Variants in PCDHA7 observed in about 807,000 individuals in gnomAD.
PCDHA7 encodes the protein protocadherin alpha-7.
Under a neutral mutation model 57.2 loss-of-function variants are expected in PCDHA7, and 37 were observed. That is an observed-to-expected ratio of 0.65 (90% CI 0.50 to 0.85). PCDHA7 has a LOEUF of 0.85. PCDHA7 is among the 40% of genes least tolerant of loss of function. The probability of loss-of-function intolerance (pLI) is 0.00; values close to 1 mark genes in which losing one functional copy is unlikely to be tolerated. For synonymous variants in PCDHA7, 553 were observed against 558.8 expected (o/e 0.99, Z 0.15); for missense variants, 1,188 against 1,241.8 (o/e 0.96, Z 0.65).
intron 1 of PCDHA7, among the ~76,000 whole-genome samples, chr5:140,922,408 T>C (rs2080827805): frequency 6.6e-6 from 1 of 152,196 alleles, no homozygotes; most frequent in Non-Finnish European, 1.5e-5. Context: ...ATTAAAAAGA[T>C]CTAGGTACAG....
At chr5:140,978,672 G>C (rs2096816199) in intron 1 of PCDHA7, among the ~76,000 whole-genome samples, 1 of 152,256 alleles carries the variant, frequency 6.6e-6, no homozygotes, top group African/African-American at 2.4e-5. Context: ...TAAGAACACA[G>C]ACATGTATTG....
chr5:140,887,781 T>C (rs2061576427), intron 1 of PCDHA7, among the ~76,000 whole-genome samples: 2 of 152,338 alleles, frequency 1.3e-5, no homozygotes, highest in African/African-American at 4.8e-5. Flanking sequence ...ACACAGGTCA[T>C]TGAAGCGTTC....
intron 1 of PCDHA7, chr5:140,863,119 A>G: frequency 1.7e-6 from 1 of 591,284 alleles, no homozygotes. Context: ...GGCGAAAGCT[A>G]CGCGCCACCG....
intron 1 of PCDHA7, chr5:140,848,337 C>A (rs1402833811): frequency 1.3e-5 from 11 of 873,306 alleles, no homozygotes; most frequent in South Asian, 1.7e-5. Context: ...TGAATCCAGA[C>A]AAATACAGCC....
At chr5:140,851,449 A>G in intron 1 of PCDHA7, 2 of 913,694 alleles carry the variant, frequency 2.2e-6, no homozygotes, top group Middle Eastern at 5.7e-4. Flanking sequence ...GCTCCACTTT[A>G]GGAATCAAAT....
At chr5:140,869,857 A>T in intron 1 of PCDHA7, 1 of 1,610,928 alleles carries the variant, frequency 6.2e-7, no homozygotes, top group Non-Finnish European at 8.5e-7. Flanking sequence ...GGTGAGCCTT[A>T]TGGAAAATGC....
At chr5:140,917,530 T>C (rs2078244431) in intron 1 of PCDHA7, among the ~76,000 whole-genome samples, 1 of 152,262 alleles carries the variant, frequency 6.6e-6, no homozygotes, top group Admixed American at 6.5e-5. Flanking sequence ...ACGGTTTGTA[T>C]AGTTTTAGGT....
intron 1 of PCDHA7, chr5:140,967,461 G>A (rs782466677): frequency 6.8e-6 from 11 of 1,613,572 alleles, no homozygotes; most frequent in Non-Finnish European, 8.5e-6. Context: ...GCCGTGGATG[G>A]GGGCATCCCA....
At chr5:140,857,683 C>T (rs1554150520) in intron 1 of PCDHA7, 1 of 1,597,084 alleles carries the variant, frequency 6.3e-7, no homozygotes, top group Middle Eastern at 1.8e-4. Context: ...CGCCTCTGGG[C>T]AGCAACTTGA....
At chr5:140,928,344 G>T (rs1554205800) in intron 1 of PCDHA7, 2 of 1,614,168 alleles carry the variant, frequency 1.2e-6, no homozygotes, top group East Asian at 2.2e-5. Flanking sequence ...CTTATGAGCT[G>T]TTGGATGTTA....
intron 1 of PCDHA7, chr5:140,926,672 C>T (rs2083457109): frequency 1.7e-6 from 1 of 583,596 alleles, no homozygotes; most frequent in Admixed American, 3.9e-5. Flanking sequence ...GACGGCTGCC[C>T]AGCCTCCAGC....
chr5:140,884,479 C>T, intron 1 of PCDHA7: 1 of 1,613,914 alleles, frequency 6.2e-7, no homozygotes, highest in Non-Finnish European at 8.5e-7. Context: ...CGGGCAAGCC[C>T]ACTCTAGTGT....
intron 1 of PCDHA7, chr5:140,855,963 A>C (rs1291137660): frequency 1.4e-6 from 2 of 1,404,396 alleles, no homozygotes; most frequent in Non-Finnish European, 1.9e-6. Context: ...TAAAAAATAG[A>C]TATAAGAAAT....
chr5:140,885,611 A>G (rs1422835119), intron 1 of PCDHA7, among the ~76,000 whole-genome samples: 5 of 152,216 alleles, frequency 3.3e-5, no homozygotes, highest in Non-Finnish European at 4.4e-5. Flanking sequence ...AATTTTAATT[A>G]TAAAATATGT....
At chr5:140,941,255 C>CTTTCTTTCTTTCTTTCTCTT (rs782490896) in intron 1 of PCDHA7, among the ~76,000 whole-genome samples, 1 of 44,508 alleles carries the variant, frequency 2.2e-5, no homozygotes, top group Non-Finnish European at 5.1e-5. Context: ...TTCTTTCTTT[C>CTTTCTTTCTTTCTTTCTCTT]TCTTTCTTTC....
chr5:140,884,314 G>A, intron 1 of PCDHA7: 1 of 1,613,760 alleles, frequency 6.2e-7, no homozygotes, highest in Non-Finnish European at 8.5e-7. Context: ...CGTCGAGGGC[G>A]TCGGCAGGCG....
chr5:140,862,838 T>A (rs555167030), intron 1 of PCDHA7: 1 of 575,064 alleles, frequency 1.7e-6, no homozygotes, highest in South Asian at 1.4e-5. Flanking sequence ...GACGCGGGCA[T>A]GCCGCCTCTG....
chr5:140,838,040 G>T (rs1775384058), intron 1 of PCDHA7, among the ~76,000 whole-genome samples: 1 of 149,654 alleles, frequency 6.7e-6, no homozygotes, highest in Non-Finnish European at 1.5e-5. Context: ...CTACCTTTCT[G>T]CACTTTTTGG....
At chr5:140,873,417 AATT>A (rs1443232738) in intron 1 of PCDHA7, among the ~76,000 whole-genome samples, 1 of 152,164 alleles carries the variant, frequency 6.6e-6, no homozygotes. Flanking sequence ...AAATTTTGTA[AATT>A]ATTATTTTAT....
Sources: allele counts gnomAD v4.1 joint callset (sites outside exome capture counted in the v4.1 genomes callset), GRCh38; gene constraint gnomAD v4.1.1; transcripts MANE v1.5; gene names NCBI Gene and HGNC (gene_info 2026-07-23, HGNC 2026-07-21).